The following SORCS2 variants were observed in gnomAD, a reference collection of about 807,000 sequenced individuals.
SORCS2 encodes sortilin related VPS10 domain containing receptor 2, also known as VPS10 domain-containing receptor SorCS2.
Under a neutral mutation model 141.6 loss-of-function variants are expected in SORCS2, and 100 were observed. The ratio of observed to expected loss-of-function variants is 0.71; its 90% CI spans 0.60 to 0.83. SORCS2 has a LOEUF of 0.83. Among genes scored for constraint, SORCS2 ranks in the 40% least tolerant of loss-of-function variants. The pLI is 0.00. For synonymous variants in SORCS2, 789 were observed against 676.9 expected, an observed-to-expected ratio of 1.17 and a Z score of -2.57; for missense variants, 1,646 against 1,560.2, an observed-to-expected ratio of 1.05 and a Z score of -0.93.
intron 2 of SORCS2, among the ~76,000 whole-genome samples, chr4:7,447,052 G>A (rs1452606903): frequency 6.6e-6 from 1 of 152,252 alleles, no homozygotes; most frequent in Non-Finnish European, 1.5e-5. Flanking sequence ...AAGAAGCCAT[G>A]TCACCTTTAC....
intron 11 of SORCS2, among the ~76,000 whole-genome samples, chr4:7,695,159 T>C (rs1724514507): frequency 1.3e-5 from 2 of 150,370 alleles, no homozygotes; most frequent in Admixed American, 1.3e-4. Context: ...ACTCAGATAA[T>C]AGGTAGATGG....
At chr4:7,580,141 A>G (rs1716046812) in intron 3 of SORCS2, among the ~76,000 whole-genome samples, 2 of 152,184 alleles carry the variant, frequency 1.3e-5, no homozygotes, top group Admixed American at 1.3e-4. Flanking sequence ...GTAACTTGTC[A>G]TTTTCTACAC....
intron 1 of SORCS2, among the ~76,000 whole-genome samples, chr4:7,232,773 T>A (rs1711988629): frequency 6.6e-6 from 1 of 152,146 alleles, no homozygotes; most frequent in Non-Finnish European, 1.5e-5. Flanking sequence ...TGGGTCCCAC[T>A]CTGTGGACAG....
intron 2 of SORCS2, among the ~76,000 whole-genome samples, chr4:7,486,002 C>T (rs572656863): frequency 1.3e-4 from 20 of 152,194 alleles, no homozygotes; most frequent in Non-Finnish European, 2.9e-4. Context: ...ACTGTGGTGG[C>T]CTGTTAGCTT....
In SORCS2 at chr4:7,526,612, C is replaced by T. The variant is rs1043548355; in HGVS notation, c.549-4918C>T. Among the ~76,000 whole-genome samples, 19 of 152,288 alleles carry T rather than the reference C, an allele frequency of 1.2e-4. No homozygotes were observed. The East Asian group carries it at 2.7e-3, about 22-fold the overall frequency. ...GGGGGGCCCTGTCATTCTACAGGTG[C>T]CCAGACCCATAGAGTTCAGGAGCCC... On this transcript the variant is annotated intron_variant, in intron 2 of 26. Coordinates refer to ENST00000507866, the MANE Select transcript of SORCS2 (RefSeq NM_020777.3).
At chr4:7,261,150 G>C (rs1252648547) in intron 1 of SORCS2, among the ~76,000 whole-genome samples, 1 of 152,144 alleles carries the variant, frequency 6.6e-6, no homozygotes, top group Non-Finnish European at 1.5e-5. Flanking sequence ...CTTGCTTTCT[G>C]TCCCCTTATG....
chr4:7,303,814 C>T (rs946269544), intron 1 of SORCS2, among the ~76,000 whole-genome samples: 8 of 152,214 alleles, frequency 5.3e-5, no homozygotes, highest in African/African-American at 1.2e-4. Context: ...CGTCTCTGTC[C>T]GGCTGCCACA....
chr4:7,432,909 C>T (rs1416186921), intron 2 of SORCS2: 14 of 161,844 alleles, frequency 8.7e-5, no homozygotes, highest in African/African-American at 2.1e-4. Flanking sequence ...TCGAAGCCTC[C>T]GTCCACCCCT....
rs571126556 is a variant in SORCS2, at chr4:7,664,635, G to A, written c.1071+164G>A. 6.6e-6 allele frequency among the ~76,000 whole-genome samples: 1 copy of A among 152,310 alleles called. No individual in the cohort carries two copies. The highest frequency in any genetic ancestry group is 2.4e-5 in the African/African-American group (1 of 41,568). ...GTTTCTGACCGTGGCTGTGGCTGCA[G>A]CCATCCACAGAAGCCCTCGCAAGCC... On this transcript the variant is annotated intron_variant, in intron 7 of 26. Transcript: ENST00000507866. This position sits in a 1 kb window ranked among gnomAD's most constrained non-coding sequence, Gnocchi z 4.7.
intron 1 of SORCS2, among the ~76,000 whole-genome samples, chr4:7,389,003 C>T (rs1723680924): frequency 6.6e-6 from 1 of 152,242 alleles, no homozygotes; most frequent in Non-Finnish European, 1.5e-5. Flanking sequence ...ATCTCCAGGC[C>T]AAAAGGCACA....
In SORCS2 at chr4:7,192,957, C is replaced by CCGG; in HGVS notation, c.314_316dup (p.Gly105dup). On this transcript the variant is annotated inframe_insertion, in exon 1 of 27. Transcript: ENST00000507866. The surrounding 1 kb of genome is among the most constrained non-coding windows in gnomAD (Gnocchi z 4.0). ...CCGAGTCCCGGTCCCGCTCCTGGTCCCGGCGAGGACGGCGCCCCCGCCGCG... is the reference window on the plus strand; with the variant it reads ...CCGAGTCCCGGTCCCGCTCCTGGTCCCGGCGGCGAGGACGGCGCCCCCGCCGCG... 7.4e-7 allele frequency: 1 copy of CCGG among 1,347,618 alleles called. No homozygotes were observed. 83.5% of individuals were successfully genotyped at this position (1,347,618 alleles called of 1,614,324 possible).
At chr4:7,566,858 G>C (rs1257672110) in intron 3 of SORCS2, among the ~76,000 whole-genome samples, 4 of 151,530 alleles carry the variant, frequency 2.6e-5, no homozygotes. Context: ...CTTAGTGGAT[G>C]CTGGGAAATG....
chr4:7,645,216 G>A (rs1481797771), intron 4 of SORCS2, among the ~76,000 whole-genome samples: 1 of 152,202 alleles, frequency 6.6e-6, no homozygotes. Context: ...ATAGAAGGGT[G>A]CCTGGCCTGA....
intron 1 of SORCS2, among the ~76,000 whole-genome samples, chr4:7,331,013 A>C (rs1293360727): frequency 1.3e-5 from 2 of 151,932 alleles, no homozygotes; most frequent in Admixed American, 1.3e-4. Context: ...GAGAAGATCC[A>C]GGGTGAGGGC....
chr4:7,412,899 C>T (rs1235345982), intron 2 of SORCS2, among the ~76,000 whole-genome samples: 1 of 152,168 alleles, frequency 6.6e-6, no homozygotes, highest in South Asian at 2.1e-4. Context: ...TGGCAGGCAC[C>T]TCCTTGTCTC....
intron 2 of SORCS2, among the ~76,000 whole-genome samples, chr4:7,511,489 G>GGA (rs1022993498): frequency 5.3e-4 from 79 of 149,792 alleles, no homozygotes; most frequent in Non-Finnish European, 8.5e-4. Context: ...GAGGGGGGGT[G>GGA]GAGAGAGAGA....
chr4:7,356,430 T>C (rs1283709065), intron 1 of SORCS2, among the ~76,000 whole-genome samples: 1 of 152,154 alleles, frequency 6.6e-6, no homozygotes, highest in African/African-American at 2.4e-5. Context: ...GGCTTGCCGA[T>C]GGCTATCTTC....
In SORCS2 at chr4:7,400,784, C is replaced by T. The variant is rs151304564; in HGVS notation, c.548+4429C>T. 4.8e-3 allele frequency among the ~76,000 whole-genome samples: 672 copies of T among 141,412 alleles called. 8 individuals carry two copies. Among genetic ancestry groups the T allele is most frequent in the African/African-American group, 0.017 (642 of 37,350 alleles). The allele number at this position is 141,412 out of a possible 152,430, so 92.8% of individuals were successfully genotyped here. A position where few individuals can be genotyped will look rare whatever the true frequency, so the allele number is the denominator to read the frequency against. On this transcript the variant is annotated intron_variant, in intron 2 of 26. Coordinates refer to ENST00000507866, the MANE Select transcript of SORCS2 (RefSeq NM_020777.3). ...ATGGATGGATGTATGGATGGATGGA[C>T]AGATAGATGAATGGATTGATAGATG...
At chr4:7,555,972 T>G (rs986048533) in intron 3 of SORCS2, among the ~76,000 whole-genome samples, 1 of 152,192 alleles carries the variant, frequency 6.6e-6, no homozygotes, top group Non-Finnish European at 1.5e-5. Context: ...GCTTCTGCAG[T>G]GGGTAAGAGT....
Sources: allele counts gnomAD v4.1 joint callset (sites outside exome capture counted in the v4.1 genomes callset), GRCh38; gene constraint gnomAD v4.1.1; non-coding constraint Gnocchi (gnomAD v3.1); transcripts MANE v1.5; gene names NCBI Gene and HGNC (gene_info 2026-07-23, HGNC 2026-07-21).